TAOK3: variants seen among roughly 807,000 people sequenced by gnomAD.
TAOK3 encodes TAO kinase 3, also known as serine/threonine-protein kinase TAO3.
Under a neutral mutation model 120.4 loss-of-function variants are expected in TAOK3, and 40 were observed. The ratio of observed to expected loss-of-function variants is 0.33; its 90% CI spans 0.26 to 0.43. The LOEUF (loss-of-function observed/expected upper bound fraction) is 0.43, where lower values mean the gene tolerates loss of function less well. Among genes scored for constraint, TAOK3 ranks in the 20% least tolerant of loss-of-function variants. The probability of loss-of-function intolerance (pLI) is 1.00; values close to 1 mark genes in which losing one functional copy is unlikely to be tolerated. For missense variants in TAOK3, 821 were observed against 1,112.1 expected (o/e 0.74, Z 3.72); for synonymous variants, 355 against 387.5 (o/e 0.92, Z 0.99).
rs569943402 is a variant in TAOK3 at position 118,160,514 on chromosome 12, C to T, written c.2140-156G>A. On this transcript the variant is annotated intron_variant, in intron 18 of 20. Transcript: ENST00000392533. The surrounding 1 kb of genome is among the most constrained non-coding windows in gnomAD (Gnocchi z 4.2). Reference sequence around the variant, plus strand: ...TAAAAATCAAGCAGTATGTATGACACAGACAAAAGTTAACTCTACCTGTAC... The same window carrying T: ...TAAAAATCAAGCAGTATGTATGACATAGACAAAAGTTAACTCTACCTGTAC... 6.6e-6 allele frequency among the ~76,000 whole-genome samples: 1 copy of T among 152,302 alleles called. No homozygotes were observed. The highest frequency in any genetic ancestry group is 1.9e-4 in the East Asian group (1 of 5,192).
chr12:118,321,015 CATA>C (rs1429939870), intron 1 of TAOK3, among the ~76,000 whole-genome samples: 5 of 152,088 alleles, frequency 3.3e-5, no homozygotes, highest in African/African-American at 1.2e-4. Flanking sequence ...TACGTATATG[CATA>C]ATGTGTTACA....
At chr12:118,214,578 C>A (rs1219737506) in intron 9 of TAOK3, among the ~76,000 whole-genome samples, 2 of 140,504 alleles carry the variant, frequency 1.4e-5, no homozygotes, top group African/African-American at 5.2e-5. Flanking sequence ...TAAAATGCAA[C>A]TTTTTTTTTT....
intron 1 of TAOK3, among the ~76,000 whole-genome samples, chr12:118,277,585 C>T (rs935858107): frequency 3.3e-5 from 5 of 151,812 alleles, no homozygotes; most frequent in Admixed American, 6.6e-5. Flanking sequence ...CTCAGCCTCC[C>T]GAGTAGCTGG....
At chr12:118,320,584 G>A (rs2043663069) in intron 1 of TAOK3, among the ~76,000 whole-genome samples, 1 of 152,134 alleles carries the variant, frequency 6.6e-6, no homozygotes. Context: ...AGTTATGATT[G>A]ATTGGACACA....
At chr12:118,178,864 T>G (rs921781722) in intron 15 of TAOK3, among the ~76,000 whole-genome samples, 4 of 152,230 alleles carry the variant, frequency 2.6e-5, no homozygotes, top group African/African-American at 9.6e-5. Context: ...TACTGGCTCC[T>G]GAAAGTGACC....
chr12:118,162,148 T>G, intron 17 of TAOK3, 121 bp from the exon 18 acceptor site: 1 of 1,259,748 alleles, frequency 7.9e-7, no homozygotes, highest in Non-Finnish European at 1.1e-6. Flanking sequence ...TTAAACCCAT[T>G]AGTGTTTGGC....
intron 1 of TAOK3, among the ~76,000 whole-genome samples, chr12:118,297,952 A>T (rs2042743935): frequency 6.6e-6 from 1 of 152,094 alleles, no homozygotes; most frequent in African/African-American, 2.4e-5. Context: ...GCTAATTTTT[A>T]AATTTTTTGT....
intron 16 of TAOK3, among the ~76,000 whole-genome samples, chr12:118,174,214 T>G (rs754882402): frequency 6.6e-6 from 1 of 152,206 alleles, no homozygotes; most frequent in Non-Finnish European, 1.5e-5. Context: ...GTGGTGATAA[T>G]GAAAAAATTT....
chr12:118,224,638 G>C (rs1209302339), intron 9 of TAOK3, among the ~76,000 whole-genome samples: 3 of 152,136 alleles, frequency 2.0e-5, no homozygotes, highest in African/African-American at 7.2e-5. Context: ...CAACCTCCAA[G>C]AGTTTTAACT....
chr12:118,241,906 T>G (rs1593269356), intron 5 of TAOK3, among the ~76,000 whole-genome samples: 2 of 151,670 alleles, frequency 1.3e-5, no homozygotes, highest in Admixed American at 6.6e-5. Context: ...AGGTCGGGAG[T>G]TCGAGACCAG....
At chr12:118,168,268 G>T (rs776145983) in intron 17 of TAOK3, among the ~76,000 whole-genome samples, 98 of 152,192 alleles carry the variant, frequency 6.4e-4, no homozygotes, top group Non-Finnish European at 1.1e-3. Flanking sequence ...TCACTGCATG[G>T]TGATGATAGT....
intron 1 of TAOK3, among the ~76,000 whole-genome samples, chr12:118,284,211 GA>G (rs1385236174): frequency 6.6e-6 from 1 of 151,998 alleles, no homozygotes; most frequent in African/African-American, 2.4e-5. Context: ...TTTTTGTAAT[GA>G]AAAAATAAAT....
At chr12:118,162,526 C>G (rs1424390965) in intron 17 of TAOK3, among the ~76,000 whole-genome samples, 4 of 151,912 alleles carry the variant, frequency 2.6e-5, no homozygotes, top group African/African-American at 9.7e-5. Context: ...CAGGTGGTGC[C>G]AATAAGCAAT....
intron 11 of TAOK3, among the ~76,000 whole-genome samples, chr12:118,210,305 C>T (rs2038556111): frequency 6.6e-6 from 1 of 152,096 alleles, no homozygotes; most frequent in South Asian, 2.1e-4. Context: ...ATGTGTGGGG[C>T]TCGAAGATGT....
chr12:118,326,276 A>T (rs937907665), intron 1 of TAOK3, among the ~76,000 whole-genome samples: 1 of 152,184 alleles, frequency 6.6e-6, no homozygotes, highest in Non-Finnish European at 1.5e-5. Context: ...CCTTTCTCCA[A>T]TGTATTTTCT....
chr12:118,151,125 G>A lies in TAOK3; in HGVS notation c.2569C>T (p.Arg857Cys), dbSNP rs774571205. ...AATAGGTTCTTTATTCTCTCGCTGCGTTCCTTCTGAAGGGCAGCCAGCTCC... is the reference window on the plus strand; with the variant it reads ...AATAGGTTCTTTATTCTCTCGCTGCATTCCTTCTGAAGGGCAGCCAGCTCC... ...EEELAALQKE[R>C]SERIKNLLER... is the part of the protein sequence containing the mutation. The change falls in exon 21 of 21, where the codon CGC becomes TGC. Residue 857 changes from arginine to cysteine, a missense_variant. Coordinates refer to ENST00000392533, the MANE Select transcript of TAOK3 (RefSeq NM_016281.4). The A allele has an allele frequency of 5.6e-6, 9 of 1,613,058 alleles. No homozygotes were observed. The highest frequency in any genetic ancestry group is 7.6e-6 in the Non-Finnish European group (9 of 1,179,962).
intron 5 of TAOK3, among the ~76,000 whole-genome samples, chr12:118,240,840 C>T (rs991684283): frequency 1.3e-5 from 2 of 151,862 alleles, no homozygotes; most frequent in Non-Finnish European, 2.9e-5. Flanking sequence ...CCAATATCAA[C>T]ATATTAGTTC....
At chr12:118,244,766 G>C in intron 4 of TAOK3, 128 bp downstream of exon 4, 1 of 606,518 alleles carries the variant, frequency 1.6e-6, no homozygotes, top group Non-Finnish European at 3.0e-6. Context: ...CCGACCTCGT[G>C]AGCCGCCCAC....
chr12:118,331,041 G>A lies in TAOK3; in HGVS notation c.-194+41607C>T, dbSNP rs150307438. The stretch of plus-strand genomic sequence containing the variant: ...ATGGCATACACAGGTCTGCAGTCTC[G>A]TTTTATATTAGAAGGCAGAAATTCT... On this transcript the variant is annotated intron_variant, in intron 1 of 20. Coordinates refer to ENST00000392533, the MANE Select transcript of TAOK3 (RefSeq NM_016281.4). Among the ~76,000 whole-genome samples, 132 of 152,274 alleles carry A rather than the reference G, an allele frequency of 8.7e-4. 1 individual carries two copies. Among genetic ancestry groups the A allele is most frequent in the Non-Finnish European group, 1.3e-4 (9 of 68,018 alleles).
Sources: gnomAD v4.1 joint callset for allele counts (sites outside exome capture counted in the v4.1 genomes callset) on GRCh38, gnomAD v4.1.1 for gene constraint, Gnocchi (gnomAD v3.1) non-coding constraint, MANE v1.5 for transcripts, NCBI Gene and HGNC (gene_info 2026-07-23, HGNC 2026-07-21) for gene names.